The following MYG1 variants were observed in gnomAD, a reference collection of about 807,000 sequenced individuals.
MYG1 encodes the protein UPF0160 protein MYG1, mitochondrial.
In MYG1, 36 loss-of-function variants were observed where a neutral mutation model predicts 43.5. That is an observed-to-expected ratio of 0.83 (90% CI 0.63 to 1.09). The LOEUF is 1.09. Ranked by LOEUF, MYG1 falls within the 50% of genes least tolerant of loss-of-function variation. The probability of loss-of-function intolerance (pLI) is 0.00; values close to 1 mark genes in which losing one functional copy is unlikely to be tolerated. For missense variants in MYG1, 529 were observed against 495.1 expected, an observed-to-expected ratio of 1.07 and a Z score of -0.65; for synonymous variants, 220 against 202.8, an observed-to-expected ratio of 1.08 and a Z score of -0.72.
intron 5 of MYG1, 146 bp downstream of exon 5, chr12:53,306,466 C>G: frequency 7.9e-7 from 1 of 1,261,978 alleles, no homozygotes; most frequent in Non-Finnish European, 1.1e-6. Context: ...ACCTCAGCCT[C>G]CTGAGTAGCT....
In MYG1 at chr12:53,306,692, G is replaced by A. The variant is rs746750651; in HGVS notation, c.778G>A (p.Gly260Arg). The change falls in exon 6 of 7, where the codon GGA becomes AGA. Residue 260 changes from glycine (G) to arginine (R), a missense_variant. Physicochemically the swap from Gly to Arg is moderately radical, Grantham distance 125. Coordinates refer to ENST00000267103, the MANE Select transcript of MYG1 (RefSeq NM_021640.4). ...CTCCCTCTTTCAGGTGGACCCAAGT[G>A]GAGAGATTGTGGAACTGGCGAAAGG... is the stretch of plus-strand genomic sequence containing the variant. ...LAQRFQVDPS[G>R]EIVELAKGAC... 3.1e-6 allele frequency: 5 copies of A among 1,613,324 alleles called. No individual in the cohort carries two copies. The highest frequency in any genetic ancestry group is 4.2e-6 in the Non-Finnish European group (5 of 1,179,602).
chr12:53,306,368 A>G (rs2121073637), intron 5 of MYG1, 48 bp downstream of exon 5: 1 of 1,606,788 alleles, frequency 6.2e-7, no homozygotes, highest in Non-Finnish European at 8.5e-7. Context: ...ACTGACTGCC[A>G]ATCAACAGGA....
At chr12:53,302,949 G>C in intron 2 of MYG1, 85 bp from the exon 3 acceptor site, 1 of 1,345,430 alleles carries the variant, frequency 7.4e-7, no homozygotes, top group Non-Finnish European at 1.0e-6. Context: ...TGGCAGATAG[G>C]AAGCATTGAG....
chr12:53,303,308 A>G, intron 3 of MYG1, 115 bp downstream of exon 3: 1 of 1,159,166 alleles, frequency 8.6e-7, no homozygotes, highest in Middle Eastern at 2.8e-4. Context: ...GGCCTATAGC[A>G]GGCCCAACAC....
chr12:53,306,866 G>A lies in MYG1; in HGVS notation c.947+5G>A. 4 of 1,611,902 alleles carry A rather than the reference G, an allele frequency of 2.5e-6. No individual in the cohort carries two copies. Among genetic ancestry groups the A allele is most frequent in the Non-Finnish European group, 3.4e-6 (4 of 1,178,746 alleles). ...GCCCCACTCATTCCAAAGCCGGTGAGGCCCTAGGGAACCACTCTGCAGACC... is the reference window on the plus strand; with the variant it reads ...GCCCCACTCATTCCAAAGCCGGTGAAGCCCTAGGGAACCACTCTGCAGACC... On this transcript the variant is annotated splice_donor_5th_base_variant and intron_variant, in intron 6 of 6. Transcript: ENST00000267103.
intron 6 of MYG1, 37 bp from the exon 7 acceptor site, chr12:53,306,929 A>C: frequency 6.2e-7 from 1 of 1,607,738 alleles, no homozygotes; most frequent in Non-Finnish European, 8.5e-7. Context: ...GAAGGCTGCC[A>C]ACTCTGACCC....
Position 53,300,036 on chromosome 12 carries a change from G to C in MYG1, c.216+83G>C, listed in dbSNP as rs1944213659. The C allele has an allele frequency of 1.5e-5, 24 of 1,564,028 alleles. 2 individuals are homozygous for C. The South Asian group carries it at 2.7e-4, about 18-fold the overall frequency. Reference sequence around the variant, plus strand: ...GGCATTCCGCCAACAGGGTCACTCCGATAGCGCCCGGCAGCCCAAGCACCC... The same window carrying C: ...GGCATTCCGCCAACAGGGTCACTCCCATAGCGCCCGGCAGCCCAAGCACCC... On this transcript the variant is annotated intron_variant, in intron 1 of 6. Coordinates refer to ENST00000267103, the MANE Select transcript of MYG1 (RefSeq NM_021640.4).
At position 53,299,951 on chromosome 12, in the gene MYG1, C is replaced by T. The variant is rs754098913; in HGVS notation, c.214C>T (p.Arg72Trp). 7 of 1,614,156 alleles carry T rather than the reference C, an allele frequency of 4.3e-6. No individual in the cohort carries two copies. The highest frequency in any genetic ancestry group is 5.1e-6 in the Non-Finnish European group (6 of 1,180,024). ...ACTGCTTCGCCTCCTGCCGGAGTAC[C>T]GGGTACGGTCCGCGAAAAGTGACCC... Reference protein sequence around the residue: ...CALLRLLPEYRDAEIVRTRDP... With the variant: ...CALLRLLPEYWDAEIVRTRDP... Residue 72 changes from arginine (R) to tryptophan (W), a missense_variant and splice_region_variant, in exon 1 of 7, where the codon CGG becomes TGG. Arg to Trp is a moderately radical substitution (Grantham distance 101). Transcript: ENST00000267103.
At position 53,300,159 on chromosome 12, in the gene MYG1, A is replaced by C; in HGVS notation, c.226A>C (p.Ile76Leu). The change falls in exon 2 of 7, where the codon ATT becomes CTT. Residue 76 changes from isoleucine to leucine, a missense_variant. Ile to Leu is a conservative substitution (Grantham distance 5). Transcript: ENST00000267103. The stretch of plus-strand genomic sequence containing the variant: ...CCTGTGTACCTCGCAGGATGCAGAG[A>C]TTGTGCGGACCCGGGATCCCGAAAA... ...RLLPEYRDAEIVRTRDPEKLA... is the reference protein window; with the variant it reads ...RLLPEYRDAELVRTRDPEKLA... 6.2e-7 allele frequency: 1 copy of C among 1,600,046 alleles called. No homozygotes were observed. The highest frequency in any genetic ancestry group is 8.5e-7 in the Non-Finnish European group (1 of 1,172,544).
chr12:53,302,978 C>T, intron 2 of MYG1, 56 bp from the exon 3 acceptor site: 3 of 1,492,040 alleles, frequency 2.0e-6, no homozygotes, highest in Admixed American at 4.2e-5. Context: ...TGAATGAATG[C>T]ATGGAGACTC....
chr12:53,304,474 G>A (rs999928242), intron 3 of MYG1, among the ~76,000 whole-genome samples: 4 of 151,252 alleles, frequency 2.6e-5, no homozygotes, highest in African/African-American at 7.3e-5. Context: ...TAGTAGAAAC[G>A]GGGTTTCACC....
chr12:53,302,325 C>T (rs1944238531), intron 2 of MYG1, among the ~76,000 whole-genome samples: 1 of 152,220 alleles, frequency 6.6e-6, no homozygotes, highest in African/African-American at 2.4e-5. Flanking sequence ...ACAAATGGAG[C>T]TCCCTAGGTA....
chr12:53,302,445 T>C (rs1175613525), intron 2 of MYG1, among the ~76,000 whole-genome samples: 1 of 152,256 alleles, frequency 6.6e-6, no homozygotes, highest in Non-Finnish European at 1.5e-5. Context: ...ATTCTTGCCT[T>C]CTTTATTCAC....
chr12:53,305,934 G>A lies in MYG1; in HGVS notation c.516G>A (p.Val172=), dbSNP rs762717810. 1.3e-5 allele frequency: 21 copies of A among 1,610,676 alleles called. No individual in the cohort carries two copies. Among genetic ancestry groups the A allele is most frequent in the East Asian group, 2.2e-5 (1 of 44,852 alleles). Residue 172 remains valine (V), a synonymous_variant, in exon 4 of 7, where the codon GTG becomes GTA. Coordinates refer to ENST00000267103, the MANE Select transcript of MYG1 (RefSeq NM_021640.4). ...DKMYENFVEE[V]DAVDNGISQW... ...TGTATGAGAACTTTGTGGAGGAGGT[G>A]GATGCTGTGGACAATGGGATCTCCC...
At chr12:53,306,091 C>G (rs373655066) in intron 4 of MYG1, 31 bp downstream of exon 4, 1 of 1,609,154 alleles carries the variant, frequency 6.2e-7, no homozygotes, top group Non-Finnish European at 8.5e-7. Context: ...ACCCGGAGAC[C>G]TGTAAGAACC....
intron 2 of MYG1, among the ~76,000 whole-genome samples, chr12:53,302,746 C>A (rs1030030270): frequency 2.0e-5 from 3 of 152,110 alleles, no homozygotes; most frequent in African/African-American, 7.2e-5. Context: ...CTGGTGGACA[C>A]CCACTAATTC....
At chr12:53,304,652 C>T (rs1225008184) in intron 3 of MYG1, among the ~76,000 whole-genome samples, 1 of 151,972 alleles carries the variant, frequency 6.6e-6, no homozygotes. Flanking sequence ...TCCAGTGGTG[C>T]CATCATGGCT....
Position 53,306,286 on chromosome 12 carries a change from C to T in MYG1, c.731C>T (p.Ala244Val). The T allele has an allele frequency of 6.2e-7, 1 of 1,614,212 alleles. No homozygotes were observed. Among genetic ancestry groups the T allele is most frequent in the Non-Finnish European group, 8.5e-7 (1 of 1,180,030 alleles). Residue 244 changes from alanine to valine, a missense_variant, in exon 5 of 7, where the codon GCC becomes GTC. By Grantham distance (64) the Ala-to-Val change is moderately conservative. Coordinates refer to ENST00000267103, the MANE Select transcript of MYG1 (RefSeq NM_021640.4). Reference protein sequence around the residue: ...FYQHSWLPARALVEEALAQRF... With the variant: ...FYQHSWLPARVLVEEALAQRF... ...CAACACAGCTGGCTGCCAGCCCGGG[C>T]CTTGGTGGAAGAGGCCCTTGCCCAG...
At chr12:53,303,214 A>G in intron 3 of MYG1, 21 bp downstream of exon 3, 2 of 1,609,456 alleles carry the variant, frequency 1.2e-6, no homozygotes, top group South Asian at 1.1e-5. Flanking sequence ...GAGGACAGAG[A>G]TGCCCCCCAC....
Sources: allele counts gnomAD v4.1 joint callset (sites outside exome capture counted in the v4.1 genomes callset), GRCh38; gene constraint gnomAD v4.1.1; transcripts MANE v1.5; gene names NCBI Gene and HGNC (gene_info 2026-07-23, HGNC 2026-07-21).